The following RIC8B variants were observed in gnomAD, a reference collection of about 807,000 sequenced individuals.
RIC8B encodes the protein RIC8 guanine nucleotide exchange factor B, also known as chaperone Ric-8B.
A neutral mutation model predicts 57.5 loss-of-function variants in RIC8B; 16 were observed. The ratio of observed to expected loss-of-function variants is 0.28; its 90% CI spans 0.19 to 0.42. The LOEUF (loss-of-function observed/expected upper bound fraction) is 0.42. Ranked by LOEUF, RIC8B falls within the 10% of genes least tolerant of loss-of-function variation. The probability of loss-of-function intolerance (pLI) is 1.00; values close to 1 mark genes in which losing one functional copy is unlikely to be tolerated. For synonymous variants in RIC8B, 216 were observed against 250.8 expected (o/e 0.86, Z 1.31); for missense variants, 481 against 677.0 (o/e 0.71, Z 3.21).
At chr12:106,844,005 A>G (rs1949075918) in intron 6 of RIC8B, 58 bp downstream of exon 6, 4 of 1,137,100 alleles carry the variant, frequency 3.5e-6, no homozygotes, top group African/African-American at 3.1e-5. Flanking sequence ...CATTTTAAAC[A>G]TAGAATTAAT....
At chr12:106,801,720 C>A (rs1049864968) in intron 2 of RIC8B, among the ~76,000 whole-genome samples, 3 of 152,174 alleles carry the variant, frequency 2.0e-5, no homozygotes, top group African/African-American at 7.2e-5. Flanking sequence ...CCTCTAGAAT[C>A]CTCCCAGAAC....
At position 106,788,053 on chromosome 12, in the gene RIC8B, TG is replaced by T. The variant is rs750663766; in HGVS notation, c.132+4014del. Among the ~76,000 whole-genome samples, 19 of 151,976 alleles carry T rather than the reference TG, an allele frequency of 1.3e-4. No homozygotes were observed. In the East Asian group the frequency reaches 2.9e-3, roughly 23 times the overall value. ...CAAGCTAGTTACTTCCTAGATACAG[TG>T]GGGGTACAGGCATTGGGTAAATACA... On this transcript the variant is annotated intron_variant, in intron 2 of 9. Coordinates refer to ENST00000392837, the MANE Select transcript of RIC8B (RefSeq NM_001330145.2).
chr12:106,792,671 C>G (rs543791912), intron 2 of RIC8B, among the ~76,000 whole-genome samples: 3 of 152,322 alleles, frequency 2.0e-5, no homozygotes, highest in Admixed American at 2.0e-4. Flanking sequence ...GATGCTGTGT[C>G]TCACTCTTGT....
Position 106,841,064 on chromosome 12 carries a change from A to G in RIC8B, c.837-1525A>G, listed in dbSNP as rs374104993. 4.6e-5 allele frequency among the ~76,000 whole-genome samples: 7 copies of G among 152,334 alleles called. No homozygotes were observed. In the East Asian group the frequency reaches 1.3e-3, roughly 29 times the overall value. ...TTCTGAACTATAGATAAGATAAACT[A>G]CAGATATTTGCAAAAAAAAGTTTTA... On this transcript the variant is annotated intron_variant, in intron 4 of 9. Coordinates refer to ENST00000392837, the MANE Select transcript of RIC8B (RefSeq NM_001330145.2).
intron 1 of RIC8B, among the ~76,000 whole-genome samples, chr12:106,776,263 A>T (rs1566020347): frequency 6.6e-6 from 1 of 152,194 alleles, no homozygotes; most frequent in Non-Finnish European, 1.5e-5. Context: ...GATACACTTT[A>T]TTGTTGAACA....
chr12:106,815,666 A>C (rs998691117), intron 3 of RIC8B, among the ~76,000 whole-genome samples: 4 of 152,256 alleles, frequency 2.6e-5, no homozygotes, highest in Admixed American at 2.0e-4. Context: ...AGGCATTTTC[A>C]GTGGCTGCCA....
chr12:106,851,820 C>T (rs1949488349), intron 7 of RIC8B, among the ~76,000 whole-genome samples: 1 of 152,208 alleles, frequency 6.6e-6, no homozygotes, highest in African/African-American at 2.4e-5. Flanking sequence ...AACACACTCA[C>T]ATTTAAACTT....
chr12:106,872,381 G>C (rs1344990029), intron 9 of RIC8B, among the ~76,000 whole-genome samples: 1 of 152,142 alleles, frequency 6.6e-6, no homozygotes, highest in African/African-American at 2.4e-5. Context: ...AGAACCAACA[G>C]AGTCAGGCCG....
chr12:106,863,134 A>T (rs148752820), intron 8 of RIC8B, among the ~76,000 whole-genome samples: 6 of 152,244 alleles, frequency 3.9e-5, no homozygotes, highest in Non-Finnish European at 8.8e-5. Flanking sequence ...ATTATTCTAG[A>T]CATCAACTGA....
At chr12:106,806,006 A>G (rs1342734424) in intron 2 of RIC8B, among the ~76,000 whole-genome samples, 4 of 151,842 alleles carry the variant, frequency 2.6e-5, no homozygotes, top group South Asian at 2.1e-4. Flanking sequence ...CTGGAGTGCA[A>G]TGGTGCGATC....
intron 1 of RIC8B, among the ~76,000 whole-genome samples, chr12:106,779,868 C>CT (rs34745029): frequency 0.014 from 1,375 of 98,898 alleles, 28 homozygotes; most frequent in Non-Finnish European, 0.022. Context: ...GGGGCCTGTT[C>CT]TTTTTTTTTT....
chr12:106,834,983 CAAAAA>C (rs71072695), intron 4 of RIC8B, among the ~76,000 whole-genome samples: 8 of 31,278 alleles, frequency 2.6e-4, no homozygotes, highest in East Asian at 1.0e-3. Context: ...GACTCTGTCT[CAAAAA>C]AAAAAAAAAA....
At chr12:106,831,643 T>G (rs900944065) in intron 4 of RIC8B, among the ~76,000 whole-genome samples, 1 of 152,246 alleles carries the variant, frequency 6.6e-6, no homozygotes, top group Non-Finnish European at 1.5e-5. Context: ...GGATTAAATC[T>G]AAACCCTTTC....
At chr12:106,792,692 A>G (rs1401619633) in intron 2 of RIC8B, among the ~76,000 whole-genome samples, 1 of 152,162 alleles carries the variant, frequency 6.6e-6, no homozygotes, top group Non-Finnish European at 1.5e-5. Flanking sequence ...AATCCCAGCT[A>G]CTTGGGTGGC....
At chr12:106,857,844 T>G (rs963036626) in intron 7 of RIC8B, among the ~76,000 whole-genome samples, 1 of 152,200 alleles carries the variant, frequency 6.6e-6, no homozygotes. Context: ...TTGTCTCACC[T>G]TCTCTACCCC....
At chr12:106,871,128 A>G in intron 9 of RIC8B, 186 bp downstream of exon 9, 1 of 462,604 alleles carries the variant, frequency 2.2e-6, no homozygotes, top group South Asian at 5.3e-5. Flanking sequence ...CCGCTTCTGG[A>G]TGTGCATTCC....
intron 3 of RIC8B, among the ~76,000 whole-genome samples, chr12:106,818,423 C>G (rs1280051998): frequency 6.6e-6 from 1 of 152,086 alleles, no homozygotes; most frequent in Non-Finnish European, 1.5e-5. Flanking sequence ...CTCGGCCTCC[C>G]AAAGTGCTAG....
At position 106,824,801 on chromosome 12, in the gene RIC8B, G is replaced by T. The variant is rs192826220; in HGVS notation, c.742-925G>T. On this transcript the variant is annotated intron_variant, in intron 3 of 9. Transcript: ENST00000392837. ...GGGCACCTGTAATCCCATCTACTCG[G>T]GAGGCTGAGGCAGGAGAGTCGCCTG... Among the ~76,000 whole-genome samples, 297 of 152,126 alleles carry T rather than the reference G, an allele frequency of 2.0e-3. 3 individuals are homozygous for T. Among genetic ancestry groups the T allele is most frequent in the African/African-American group, 6.8e-3 (281 of 41,524 alleles).
rs2136287793 is a variant in RIC8B, at chr12:106,815,229, G to A, written c.666G>A (p.Gln222=). Residue 222 remains glutamine, a synonymous_variant, in exon 3 of 10, where the codon CAG becomes CAA. Transcript: ENST00000392837. The part of the protein sequence containing the change: ...IDHNGPPLSP[Q]ETDCAIEALK... ...ATAATGGACCTCCTCTCTCACCTCA[G>A]GAGACAGACTGTGCCATTGAGGCCC... 2 of 1,614,184 alleles carry A rather than the reference G, an allele frequency of 1.2e-6. No individual in the cohort carries two copies. Among genetic ancestry groups the A allele is most frequent in the Non-Finnish European group, 8.5e-7 (1 of 1,180,024 alleles).
Sources: allele counts gnomAD v4.1 joint callset (sites outside exome capture counted in the v4.1 genomes callset), GRCh38; gene constraint gnomAD v4.1.1; transcripts MANE v1.5; gene names NCBI Gene and HGNC (gene_info 2026-07-23, HGNC 2026-07-21).